Variants in MYPOP observed in about 807,000 individuals in gnomAD.
MYPOP encodes the protein myb-related transcription factor, partner of profilin.
Under a neutral mutation model 25.7 loss-of-function variants are expected in MYPOP, and 21 were observed. That is an observed-to-expected ratio of 0.82 (90% CI 0.58 to 1.18). The LOEUF (loss-of-function observed/expected upper bound fraction) is 1.18. Among genes scored for constraint, MYPOP ranks in the 50% most tolerant of loss-of-function variants. MYPOP has a pLI of 0.00. For missense variants in MYPOP, 566 were observed against 588.3 expected (o/e 0.96, Z 0.39); for synonymous variants, 280 against 247.9 (o/e 1.13, Z -1.22).
chr19:45,893,291 C>T (rs1175819854), intron 2 of MYPOP, among the ~76,000 whole-genome samples: 7 of 146,650 alleles, frequency 4.8e-5, no homozygotes, highest in Non-Finnish European at 9.0e-5. Context: ...AAAAATAGGC[C>T]GGGTGTGGTG....
chr19:45,902,073 T>C (rs1304128060), intron 1 of MYPOP, among the ~76,000 whole-genome samples: 1 of 138,310 alleles, frequency 7.2e-6, no homozygotes. Context: ...TGGGGGAGGG[T>C]CTGGAGGGAT....
chr19:45,900,231 C>T (rs998164429), intron 2 of MYPOP, among the ~76,000 whole-genome samples: 1 of 152,164 alleles, frequency 6.6e-6, no homozygotes, highest in African/African-American at 2.4e-5. Flanking sequence ...CTTTGCTGAC[C>T]TCTCTGAACT....
intron 2 of MYPOP, among the ~76,000 whole-genome samples, chr19:45,891,938 GA>G (rs1967132425): frequency 6.6e-6 from 1 of 151,696 alleles, no homozygotes; most frequent in Admixed American, 6.6e-5. Flanking sequence ...AATTTTTTTT[GA>G]GACAAAGTCT....
At chr19:45,899,170 G>A (rs990484015) in intron 2 of MYPOP, among the ~76,000 whole-genome samples, 1 of 152,142 alleles carries the variant, frequency 6.6e-6, no homozygotes, top group African/African-American at 2.4e-5. Context: ...AGGTTGCGGT[G>A]AGCCGAGATT....
chr19:45,895,518 C>T (rs1967190447), intron 2 of MYPOP, among the ~76,000 whole-genome samples: 2 of 152,120 alleles, frequency 1.3e-5, no homozygotes, highest in Non-Finnish European at 2.9e-5. Context: ...ATTCCTCTCC[C>T]AGCACTTATC....
Position 45,901,895 on chromosome 19 carries a change from C to G in MYPOP, c.-52-70G>C. On this transcript the variant is annotated intron_variant, in intron 1 of 2. Coordinates refer to ENST00000322217, the MANE Select transcript of MYPOP (RefSeq NM_001012643.4). This position sits in a 1 kb window ranked among gnomAD's most constrained non-coding sequence, Gnocchi z 5.7. ...CCCGCCGCCGCCTCTCCCAGACCGCCGGGCCGAGAGCTCCTTAGTCCCCGG... is the reference window on the plus strand; with the variant it reads ...CCCGCCGCCGCCTCTCCCAGACCGCGGGGCCGAGAGCTCCTTAGTCCCCGG... 1.3e-6 allele frequency: 1 copy of G among 797,414 alleles called. No homozygotes were observed. The highest frequency in any genetic ancestry group is 3.8e-5 in the East Asian group (1 of 26,388). The allele number at this position is 797,414 out of a possible 1,614,324, so 49.4% of individuals were successfully genotyped here.
intron 2 of MYPOP, among the ~76,000 whole-genome samples, chr19:45,897,992 C>G (rs573743233): frequency 6.7e-6 from 1 of 149,272 alleles, no homozygotes; most frequent in African/African-American, 2.5e-5. Flanking sequence ...GGCACAATCT[C>G]GACTCACTGC....
At chr19:45,894,755 G>A (rs1345200941) in intron 2 of MYPOP, among the ~76,000 whole-genome samples, 1 of 144,194 alleles carries the variant, frequency 6.9e-6, no homozygotes, top group East Asian at 2.0e-4. Context: ...GTCTCATTCA[G>A]CTGCCCAGGC....
Position 45,901,731 on chromosome 19 carries a change from A to C in MYPOP, c.43T>G (p.Leu15Val). 6.5e-7 allele frequency: 1 copy of C among 1,549,452 alleles called. No individual in the cohort carries two copies. The highest frequency in any genetic ancestry group is 8.7e-7 in the Non-Finnish European group (1 of 1,151,716). Reference sequence around the variant, plus strand: ...TCGAATGAGAAGCGCGGCTTGCGCAACCGGGTGGTTTCCTCCGCTTCGCCC... The same window carrying C: ...TCGAATGAGAAGCGCGGCTTGCGCACCCGGGTGGTTTCCTCCGCTTCGCCC... ...AAGEAEETTR[L>V]RKPRFSFEEN... The change falls in exon 2 of 3, where the codon TTG becomes GTG. Residue 15 changes from leucine to valine, a missense_variant. Coordinates refer to ENST00000322217, the MANE Select transcript of MYPOP (RefSeq NM_001012643.4). The surrounding 1 kb of genome is among the most constrained non-coding windows in gnomAD (Gnocchi z 5.7).
Position 45,890,337 on chromosome 19 carries a change from T to G in MYPOP, c.*286A>C, listed in dbSNP as rs1161855255. On this transcript the variant is annotated 3_prime_UTR_variant, in exon 3 of 3. Transcript: ENST00000322217. ...AGATGTGCAGACCCGAGAGGTTCCC[T>G]CCCCACCCCACATAGGGCAATAATA... 2 of 349,828 alleles carry G rather than the reference T, an allele frequency of 5.7e-6. No homozygotes were observed. Among genetic ancestry groups the G allele is most frequent in the African/African-American group, 4.3e-5 (2 of 46,918 alleles). The allele number at this position is 349,828 out of a possible 1,614,324, so 21.7% of individuals were successfully genotyped here.
At chr19:45,900,885 T>A (rs577872007) in intron 2 of MYPOP, among the ~76,000 whole-genome samples, 22 of 152,336 alleles carry the variant, frequency 1.4e-4, no homozygotes, top group African/African-American at 4.8e-4. Flanking sequence ...AGGTGCAGAC[T>A]ATTTTTATCT....
At chr19:45,898,603 G>C (rs1229271485) in intron 2 of MYPOP, among the ~76,000 whole-genome samples, 1 of 152,060 alleles carries the variant, frequency 6.6e-6, no homozygotes, top group East Asian at 1.9e-4. Context: ...TATTACAGGC[G>C]TGAGCCACCG....
chr19:45,895,326 AC>A (rs1388398236), intron 2 of MYPOP, among the ~76,000 whole-genome samples: 7 of 150,876 alleles, frequency 4.6e-5, no homozygotes, highest in Non-Finnish European at 7.4e-5. Flanking sequence ...GCTCACTACA[AC>A]CTCTGCCTCC....
rs990509831 is a variant in MYPOP, at chr19:45,890,502, G to A, written c.*121C>T. ...TCAGGCACTAACTAGCACAGGGAGT[G>A]GGTGCTCACATCCCTGGAGCAGGGA... On this transcript the variant is annotated 3_prime_UTR_variant, in exon 3 of 3. Coordinates refer to ENST00000322217, the MANE Select transcript of MYPOP (RefSeq NM_001012643.4). 1.2e-5 allele frequency: 17 copies of A among 1,465,060 alleles called. No homozygotes were observed. The Admixed American group carries it at 3.7e-4, about 32-fold the overall frequency. The allele number at this position is 1,465,060 out of a possible 1,614,324, so 90.8% of individuals were successfully genotyped here.
chr19:45,894,670 A>G lies in MYPOP; in HGVS notation c.500-3347T>C, dbSNP rs1018507142. ...CAAGCAAATCGTACACTTTGAGGTG[A>G]TTGTATAGTGTGGAAATTATATCGC... is the stretch of plus-strand genomic sequence containing the variant. On this transcript the variant is annotated intron_variant, in intron 2 of 2. Transcript: ENST00000322217. Among the ~76,000 whole-genome samples the G allele has an allele frequency of 2.0e-5, 3 of 151,456 alleles. No individual in the cohort carries two copies. The South Asian group carries it at 6.3e-4, about 32-fold the overall frequency.
chr19:45,892,194 T>C (rs1967136168), intron 2 of MYPOP, among the ~76,000 whole-genome samples: 1 of 152,164 alleles, frequency 6.6e-6, no homozygotes, highest in Non-Finnish European at 1.5e-5. Flanking sequence ...GTTCTGGGAT[T>C]ACAGGTGTGA....
Position 45,891,340 on chromosome 19 carries a change from AC to A in MYPOP, c.500-18del, listed in dbSNP as rs1255998279. 2 of 1,472,324 alleles carry A rather than the reference AC, an allele frequency of 1.4e-6. No individual in the cohort carries two copies. The highest frequency in any genetic ancestry group is 2.5e-5 in the Admixed American group (1 of 40,600). 91.2% of individuals were successfully genotyped at this position (1,472,324 alleles called of 1,614,324 possible). On this transcript the variant is annotated intron_variant, in intron 2 of 2. Transcript: ENST00000322217. ...CTGATGTATCTGTAGAGAGAGAAAT[AC>A]AGGTAAGGGGTGAGCGACCCTCGAT...
chr19:45,892,226 C>T (rs1310815730), intron 2 of MYPOP, among the ~76,000 whole-genome samples: 2 of 152,098 alleles, frequency 1.3e-5, no homozygotes, highest in Non-Finnish European at 2.9e-5. Flanking sequence ...CGGACAAGGG[C>T]CAACATTTGA....
At position 45,899,625 on chromosome 19, in the gene MYPOP, A is replaced by T. The variant is rs552621258; in HGVS notation, c.499+1650T>A. 2.0e-5 allele frequency among the ~76,000 whole-genome samples: 3 copies of T among 152,232 alleles called. No individual in the cohort carries two copies. The South Asian group carries it at 6.2e-4, about 32-fold the overall frequency. On this transcript the variant is annotated intron_variant, in intron 2 of 2. Transcript: ENST00000322217. Reference sequence around the variant, plus strand: ...GAGGCCGAGGTGGGTGGATCACCTGAGGTCGGGAGTTCCAGACCAGCCTGG... The same window carrying T: ...GAGGCCGAGGTGGGTGGATCACCTGTGGTCGGGAGTTCCAGACCAGCCTGG...
Sources: allele counts gnomAD v4.1 joint callset (sites outside exome capture counted in the v4.1 genomes callset), GRCh38; gene constraint gnomAD v4.1.1; non-coding constraint Gnocchi (gnomAD v3.1); transcripts MANE v1.5; gene names NCBI Gene and HGNC (gene_info 2026-07-23, HGNC 2026-07-21).